The following RFC1 variants were observed in gnomAD, a reference collection of about 807,000 sequenced individuals.
The protein encoded by RFC1 is replication factor C subunit 1.
In RFC1, 37 loss-of-function variants were observed where a neutral mutation model predicts 137.4. That is an observed-to-expected ratio of 0.27 (90% confidence interval 0.21 to 0.35). The LOEUF is 0.35. Among genes scored for constraint, RFC1 ranks in the 10% least tolerant of loss-of-function variants. The pLI is 1.00. For missense variants in RFC1, 1,205 were observed against 1,358.5 expected (o/e 0.89, Z 1.78); for synonymous variants, 429 against 455.7 (o/e 0.94, Z 0.75).
intron 12 of RFC1, among the ~76,000 whole-genome samples, chr4:39,310,686 T>G (rs1385989257): frequency 6.6e-6 from 1 of 152,248 alleles, no homozygotes; most frequent in Non-Finnish European, 1.5e-5. Flanking sequence ...AGTTTAGTTA[T>G]GTGAGCCAAC....
At chr4:39,328,229 G>C (rs1321373221) in intron 4 of RFC1, among the ~76,000 whole-genome samples, 2 of 152,128 alleles carry the variant, frequency 1.3e-5, no homozygotes, top group African/African-American at 4.8e-5. Flanking sequence ...TGCCAGGCCT[G>C]TAATACGCTA....
intron 4 of RFC1, among the ~76,000 whole-genome samples, chr4:39,342,103 C>G (rs1740628369): frequency 6.6e-6 from 1 of 152,130 alleles, no homozygotes; most frequent in Non-Finnish European, 1.5e-5. Context: ...CAAGATTAAG[C>G]TTCAACTTAT....
intron 1 of RFC1, among the ~76,000 whole-genome samples, chr4:39,365,811 T>C (rs149383776): frequency 6.6e-6 from 1 of 152,318 alleles, no homozygotes; most frequent in East Asian, 1.9e-4. Context: ...ACATATTCCC[T>C]AAGAAAGAAA....
intron 9 of RFC1, among the ~76,000 whole-genome samples, chr4:39,317,483 A>C (rs1176497131): frequency 1.3e-5 from 2 of 152,170 alleles, no homozygotes; most frequent in East Asian, 3.8e-4. Context: ...ATCCCTAAGG[A>C]CATAAGCATT....
At position 39,326,619 on chromosome 4, in the gene RFC1, A is replaced by G. The variant is rs768073660; in HGVS notation, c.586T>C (p.Ser196Pro). Residue 196 changes from serine (S) to proline (P), a missense_variant, in exon 6 of 25, where the codon TCT becomes CCT. Coordinates refer to ENST00000349703, the MANE Select transcript of RFC1 (RefSeq NM_002913.5). ...GCGATGGCTTCATCATTTAATCCAG[A>G]CTCATCTGTATTTTGTGAAAGCTAT... ...RKELSQNTDESGLNDEAIAKQ... is the reference protein window; with the variant it reads ...RKELSQNTDEPGLNDEAIAKQ... 2.5e-6 allele frequency: 4 copies of G among 1,612,958 alleles called. No homozygotes were observed. The highest frequency in any genetic ancestry group is 3.4e-6 in the Non-Finnish European group (4 of 1,179,208).
At chr4:39,329,127 C>CAAAAAAAAAAA (rs71594924) in intron 4 of RFC1, among the ~76,000 whole-genome samples, 579 of 31,648 alleles carry the variant, frequency 0.018, 127 homozygotes, top group South Asian at 0.031. Context: ...CAGTGACTCA[C>CAAAAAAAAAAA]AAAAAAAAAA....
At position 39,304,874 on chromosome 4, in the gene RFC1, T is replaced by C. The variant is rs761874961; in HGVS notation, c.2050A>G (p.Ser684Gly). 1.9e-6 allele frequency: 3 copies of C among 1,613,910 alleles called. No individual in the cohort carries two copies. Among genetic ancestry groups the C allele is most frequent in the East Asian group, 4.5e-5 (2 of 44,874 alleles). Reference protein sequence around the residue: ...LNASDTRSKSSLKAIVAESLN... With the variant: ...LNASDTRSKSGLKAIVAESLN... ...GACTCAGCAACAATCGCCTTCAAACTGCTCTTACTCCGGGTGTCACTTGCA... is the reference window on the plus strand; with the variant it reads ...GACTCAGCAACAATCGCCTTCAAACCGCTCTTACTCCGGGTGTCACTTGCA... Residue 684 changes from serine (S) to glycine (G), a missense_variant, in exon 15 of 25, where the codon AGT becomes GGT. By Grantham distance (56) the Ser-to-Gly change is moderately conservative (BLOSUM62 0). This residue lies in a region of RFC1 where 962 missense variants were observed against 1,035.3 expected (regional missense o/e 0.93). Transcript: ENST00000349703.
At chr4:39,340,269 G>GA (rs1475534174) in intron 4 of RFC1, among the ~76,000 whole-genome samples, 1 of 152,086 alleles carries the variant, frequency 6.6e-6, no homozygotes, top group Non-Finnish European at 1.5e-5. Flanking sequence ...CAATAATGAA[G>GA]AAAAAATTCT....
intron 11 of RFC1, 64 bp from the exon 12 acceptor site, chr4:39,311,613 A>T: frequency 1.3e-6 from 1 of 777,974 alleles, no homozygotes; most frequent in Admixed American, 3.6e-5. Flanking sequence ...CTTCTCTTAC[A>T]AAAAAAAAAA....
chr4:39,291,856 A>T lies in RFC1; in HGVS notation c.2955-4T>A, dbSNP rs540813448. ...AGTCCTTTTGCTGGAGTAAGTTCTG[A>T]AACCACAACAAAAGAGACATAGTCA... is the stretch of plus-strand genomic sequence containing the variant. On this transcript the variant is annotated splice_polypyrimidine_tract_variant and splice_region_variant and intron_variant, in intron 22 of 24. Transcript: ENST00000349703. 417 of 1,609,386 alleles carry T rather than the reference A, an allele frequency of 2.6e-4. 3 individuals are homozygous for T. The South Asian group carries it at 4.3e-3, about 17-fold the overall frequency.
intron 4 of RFC1, among the ~76,000 whole-genome samples, chr4:39,334,777 A>G (rs1740275010): frequency 6.6e-6 from 1 of 152,180 alleles, no homozygotes; most frequent in Non-Finnish European, 1.5e-5. Flanking sequence ...TAAAAACACC[A>G]TTTATTTTTA....
In RFC1 at chr4:39,294,734, G is replaced by A. The variant is rs139448469; in HGVS notation, c.2954+880C>T. Among the ~76,000 whole-genome samples, 494 of 152,158 alleles carry A rather than the reference G, an allele frequency of 3.2e-3. 3 individuals are homozygous for A. Among genetic ancestry groups the A allele is most frequent in the African/African-American group, 0.011 (467 of 41,520 alleles). On this transcript the variant is annotated intron_variant, in intron 22 of 24. Transcript: ENST00000349703. ...AATGAATCCATAGGCCAGGCATGGC[G>A]GCTCACGCCTGTAATCTCAACACTT...
intron 1 of RFC1, among the ~76,000 whole-genome samples, chr4:39,356,506 T>C (rs1342440058): frequency 6.6e-6 from 1 of 152,222 alleles, no homozygotes; most frequent in East Asian, 1.9e-4. Context: ...CCAAAATAAA[T>C]GGTAGATTTG....
chr4:39,330,906 T>TACAC (rs763485501), intron 4 of RFC1, among the ~76,000 whole-genome samples: 2 of 150,912 alleles, frequency 1.3e-5, no homozygotes, highest in Admixed American at 1.3e-4. Context: ...TATATATATA[T>TACAC]ACACACACAC....
rs1477563891 is a variant in RFC1 at position 39,302,432 on chromosome 4, T to A, written c.2437-56A>T. 2.0e-6 allele frequency: 3 copies of A among 1,513,054 alleles called. No individual in the cohort carries two copies. In the African/African-American group the frequency reaches 4.1e-5, roughly 21 times the overall value. The allele number at this position is 1,513,054 out of a possible 1,614,324, so 93.7% of individuals were successfully genotyped here. The stretch of plus-strand genomic sequence containing the variant: ...GATAGGAAAATCCTGTTGCTCCCCA[T>A]CCCTACAAGGTTGAAAGCATTAGTT... On this transcript the variant is annotated intron_variant, in intron 18 of 24. Transcript: ENST00000349703.
chr4:39,346,286 G>A (rs1408343391), intron 2 of RFC1, among the ~76,000 whole-genome samples: 2 of 152,120 alleles, frequency 1.3e-5, no homozygotes, highest in Non-Finnish European at 2.9e-5. Context: ...AGACCAGCCT[G>A]ACCAACATGA....
intron 4 of RFC1, among the ~76,000 whole-genome samples, chr4:39,330,102 T>A (rs1740023034): frequency 6.6e-6 from 1 of 151,794 alleles, no homozygotes; most frequent in Admixed American, 6.6e-5. Flanking sequence ...TGGGGGACGG[T>A]TCACTGTATC....
intron 9 of RFC1, among the ~76,000 whole-genome samples, chr4:39,320,072 G>A (rs1293923972): frequency 4.6e-5 from 7 of 152,128 alleles, no homozygotes; most frequent in African/African-American, 1.2e-4. Context: ...TACCAAGGCC[G>A]GGCGCGGTGG....
intron 4 of RFC1, among the ~76,000 whole-genome samples, chr4:39,331,972 T>C (rs1005603679): frequency 2.6e-5 from 4 of 152,182 alleles, no homozygotes; most frequent in African/African-American, 9.7e-5. Flanking sequence ...AGGTCTTTCC[T>C]GCGCTGTTCT....
Sources: gnomAD v4.1 joint callset for allele counts (sites outside exome capture counted in the v4.1 genomes callset) on GRCh38, gnomAD v4.1.1 for gene constraint, gnomAD v4.1.1 regional missense constraint, MANE v1.5 for transcripts, NCBI Gene and HGNC (gene_info 2026-07-23, HGNC 2026-07-21) for gene names.